The following UGT2B15 variants were observed in gnomAD, a reference collection of about 807,000 sequenced individuals.
The protein encoded by UGT2B15 is UDP-glucuronosyltransferase 2B15.
A neutral mutation model predicts 45.9 loss-of-function variants in UGT2B15; 36 were observed. The observed-to-expected ratio is 0.78, with a 90% CI of 0.60 to 1.04. The LOEUF is 1.04. Ranked by LOEUF, UGT2B15 falls within the 50% of genes least tolerant of loss-of-function variation. The probability of loss-of-function intolerance (pLI) is 0.00; values close to 1 mark genes in which losing one functional copy is unlikely to be tolerated. For synonymous variants in UGT2B15, 219 were observed against 216.4 expected (o/e 1.01, Z -0.11); for missense variants, 617 against 622.4 (o/e 0.99, Z 0.09).
chr4:68,667,799 A>G, intron 2 of UGT2B15, among the ~76,000 whole-genome samples: 1 of 152,164 alleles, frequency 6.6e-6, no homozygotes, highest in African/African-American at 2.4e-5. Context: ...GGGTGGCACA[A>G]TGAAGGCCTT....
At chr4:68,661,845 T>C (rs1162425652) in intron 3 of UGT2B15, among the ~76,000 whole-genome samples, 2 of 152,110 alleles carry the variant, frequency 1.3e-5, no homozygotes, top group Non-Finnish European at 2.9e-5. Context: ...ACAATACAGA[T>C]GCTGAAAATG....
chr4:68,648,759 C>G (rs1732559039), intron 5 of UGT2B15, among the ~76,000 whole-genome samples: 1 of 151,978 alleles, frequency 6.6e-6, no homozygotes. Context: ...TAAGTATTAA[C>G]CTGATTTCTG....
At chr4:68,662,562 T>C in intron 3 of UGT2B15, among the ~76,000 whole-genome samples, 1 of 148,578 alleles carries the variant, frequency 6.7e-6, no homozygotes, top group Non-Finnish European at 1.5e-5. Flanking sequence ...CGAAGCTGCA[T>C]GATGCATTTC....
Position 68,647,467 on chromosome 4 carries a change from T to C in UGT2B15, c.1314-84A>G, listed in dbSNP as rs1486838697. ...AAGTCTATGGATGGTCTTTGAAAAGTGTCACACAAATGATTGAAAGTAAGT... is the reference window on the plus strand; with the variant it reads ...AAGTCTATGGATGGTCTTTGAAAAGCGTCACACAAATGATTGAAAGTAAGT... On this transcript the variant is annotated intron_variant, in intron 5 of 5. Transcript: ENST00000338206. 160 of 1,411,396 alleles carry C rather than the reference T, an allele frequency of 1.1e-4. No individual in the cohort carries two copies. The East Asian group carries it at 3.6e-3, about 32-fold the overall frequency. 87.4% of individuals were successfully genotyped at this position (1,411,396 alleles called of 1,614,324 possible). A position where few individuals can be genotyped will look rare whatever the true frequency, so the allele number is the denominator to read the frequency against.
intron 3 of UGT2B15, among the ~76,000 whole-genome samples, chr4:68,662,428 G>GT (rs1441724820): frequency 1.3e-5 from 2 of 150,214 alleles, no homozygotes; most frequent in Non-Finnish European, 3.0e-5. Flanking sequence ...GGCTAGGTGG[G>GT]TACCTCCAGA....
At chr4:68,650,882 C>T (rs2109819772) in intron 5 of UGT2B15, among the ~76,000 whole-genome samples, 1 of 151,874 alleles carries the variant, frequency 6.6e-6, no homozygotes, top group African/African-American at 2.4e-5. Flanking sequence ...TTTTGATTTG[C>T]ATTTCTCTAA....
chr4:68,655,010 C>T lies in UGT2B15; in HGVS notation c.1093+85G>A, dbSNP rs147444405. The T allele has an allele frequency of 1.1e-3, 1,590 of 1,456,054 alleles. 18 individuals are homozygous for T. The African/African-American group carries it at 0.02, about 18-fold the overall frequency. The allele number at this position is 1,456,054 out of a possible 1,614,324, so 90.2% of individuals were successfully genotyped here. ...TTTTTTAGTTTTCCAATAATAAATG[C>T]TAAATATGTTTGTTTTATGTTGAAC... On this transcript the variant is annotated intron_variant, in intron 4 of 5. Transcript: ENST00000338206.
chr4:68,648,476 C>G (rs1442027840), intron 5 of UGT2B15, among the ~76,000 whole-genome samples: 1 of 152,038 alleles, frequency 6.6e-6, no homozygotes, highest in African/African-American at 2.4e-5. Flanking sequence ...GAGTCTTTTC[C>G]TGGCCACACT....
At chr4:68,655,505 G>A (rs1020121772) in intron 3 of UGT2B15, among the ~76,000 whole-genome samples, 2 of 152,024 alleles carry the variant, frequency 1.3e-5, no homozygotes, top group African/African-American at 4.8e-5. Context: ...AAGCTGCTTA[G>A]GGCAAACCTA....
At position 68,655,244 on chromosome 4, in the gene UGT2B15, A is replaced by T. The variant is rs1000828723; in HGVS notation, c.1006-62T>A. On this transcript the variant is annotated intron_variant, in intron 3 of 5. Coordinates refer to ENST00000338206, the MANE Select transcript of UGT2B15 (RefSeq NM_001076.4). ...GAACTCTAAAAACATAGCATGTTAG[A>T]ATTCTGAAGAGATTAATAATCAGTT... is the stretch of plus-strand genomic sequence containing the variant. 2.6e-6 allele frequency: 4 copies of T among 1,550,128 alleles called. No individual in the cohort carries two copies. In the African/African-American group the frequency reaches 5.5e-5, roughly 21 times the overall value.
At chr4:68,660,130 T>C (rs2109829049) in intron 3 of UGT2B15, among the ~76,000 whole-genome samples, 2 of 151,716 alleles carry the variant, frequency 1.3e-5, no homozygotes, top group Middle Eastern at 6.8e-3. Flanking sequence ...CTATTTTCAT[T>C]TTTAACAAAA....
At chr4:68,648,987 A>G (rs1379638057) in intron 5 of UGT2B15, among the ~76,000 whole-genome samples, 1 of 152,102 alleles carries the variant, frequency 6.6e-6, no homozygotes, top group South Asian at 2.1e-4. Context: ...TGTATATTTT[A>G]TTAGGTTTAA....
intron 3 of UGT2B15, among the ~76,000 whole-genome samples, chr4:68,662,201 T>G (rs1320749981): frequency 6.6e-6 from 1 of 152,070 alleles, no homozygotes. Context: ...CCTACCATGT[T>G]TATTTATATT....
chr4:68,656,206 G>A (rs1440355206), intron 3 of UGT2B15, among the ~76,000 whole-genome samples: 10 of 152,018 alleles, frequency 6.6e-5, no homozygotes, highest in Admixed American at 2.6e-4. Context: ...GTTTGAGCTC[G>A]CTCCCAGGAG....
At chr4:68,658,738 C>A (rs889310132) in intron 3 of UGT2B15, among the ~76,000 whole-genome samples, 109 of 152,030 alleles carry the variant, frequency 7.2e-4, no homozygotes, top group African/African-American at 2.6e-3. Flanking sequence ...AAAGCTAAAC[C>A]ATAAAGGGTG....
chr4:68,666,752 A>ATATATATATATATTT (rs1553925091), intron 2 of UGT2B15, among the ~76,000 whole-genome samples: 1 of 127,892 alleles, frequency 7.8e-6, no homozygotes, highest in African/African-American at 3.0e-5. Flanking sequence ...ATATATATAT[A>ATATATATATATATTT]TTTTTTTTTT....
intron 5 of UGT2B15, 27 bp downstream of exon 5, chr4:68,654,010 A>T (rs1375097645): frequency 8.1e-6 from 13 of 1,603,858 alleles, no homozygotes; most frequent in Non-Finnish European, 1.1e-5. Context: ...TATAAATACC[A>T]CCTGGTCACA....
At chr4:68,659,829 GA>G (rs1267708647) in intron 3 of UGT2B15, among the ~76,000 whole-genome samples, 1 of 151,926 alleles carries the variant, frequency 6.6e-6, no homozygotes, top group African/African-American at 2.4e-5. Context: ...AAATGTTCAT[GA>G]GTATCAAGCA....
At chr4:68,652,740 C>T (rs953460609) in intron 5 of UGT2B15, among the ~76,000 whole-genome samples, 2 of 150,756 alleles carry the variant, frequency 1.3e-5, no homozygotes, top group Admixed American at 6.6e-5. Flanking sequence ...TCTATCTGTC[C>T]ATAGTGGAAG....
Sources: gnomAD v4.1 joint callset for allele counts (sites outside exome capture counted in the v4.1 genomes callset) on GRCh38, gnomAD v4.1.1 for gene constraint, MANE v1.5 for transcripts, NCBI Gene and HGNC (gene_info 2026-07-23, HGNC 2026-07-21) for gene names.